The following TBCA variants were observed in gnomAD, a reference collection of about 807,000 sequenced individuals.
TBCA encodes the protein tubulin folding cofactor A.
Under a neutral mutation model 15.8 loss-of-function variants are expected in TBCA, and 6 were observed. The ratio of observed to expected loss-of-function variants is 0.38; its 90% confidence interval spans 0.21 to 0.75. The LOEUF is 0.75. TBCA is among the 30% of genes least tolerant of loss of function. The probability of loss-of-function intolerance (pLI) is 0.46; values close to 1 mark genes in which losing one functional copy is unlikely to be tolerated. For missense variants in TBCA, 90 were observed against 131.2 expected, an observed-to-expected ratio of 0.69 and a Z score of 1.53; for synonymous variants, 32 against 42.3, an observed-to-expected ratio of 0.76 and a Z score of 0.94.
chr5:77,723,475 T>C (rs765758085), intron 1 of TBCA, among the ~76,000 whole-genome samples: 3 of 151,932 alleles, frequency 2.0e-5, no homozygotes, highest in Non-Finnish European at 4.4e-5. Flanking sequence ...ATGTGGGGGA[T>C]GGGTAGCATT....
At chr5:77,708,210 G>A in intron 2 of TBCA, 32 bp downstream of exon 2, 4 of 1,433,132 alleles carry the variant, frequency 2.8e-6, no homozygotes, top group South Asian at 1.2e-5. Flanking sequence ...TTCTGTAAAT[G>A]TTAGCTATTG....
chr5:77,775,078 G>A (rs1205576135), intron 1 of TBCA, among the ~76,000 whole-genome samples: 1 of 151,150 alleles, frequency 6.6e-6, no homozygotes, highest in East Asian at 1.9e-4. Flanking sequence ...CAGTTCTGTT[G>A]TATTTCACCC....
chr5:77,692,528 A>C, intron 3 of TBCA: 2 of 958,614 alleles, frequency 2.1e-6, no homozygotes, highest in Non-Finnish European at 2.5e-6. Flanking sequence ...CTCGTGATCC[A>C]CCCACCTCAG....
chr5:77,769,533 T>A, intron 1 of TBCA, among the ~76,000 whole-genome samples: 1 of 152,192 alleles, frequency 6.6e-6, no homozygotes, highest in East Asian at 1.9e-4. Flanking sequence ...GAACTAATAG[T>A]GGAGATTTTA....
chr5:77,713,331 T>G (rs1269682717), intron 1 of TBCA, among the ~76,000 whole-genome samples: 1 of 152,076 alleles, frequency 6.6e-6, no homozygotes, highest in Non-Finnish European at 1.5e-5. Flanking sequence ...AACAATAATT[T>G]GGATAATAAT....
intron 1 of TBCA, among the ~76,000 whole-genome samples, chr5:77,719,219 A>G (rs1407868559): frequency 1.3e-5 from 2 of 152,252 alleles, no homozygotes; most frequent in African/African-American, 4.8e-5. Flanking sequence ...GAAACGATGA[A>G]AACAGGATGT....
At chr5:77,766,900 T>C (rs935920256) in intron 1 of TBCA, among the ~76,000 whole-genome samples, 1 of 152,176 alleles carries the variant, frequency 6.6e-6, no homozygotes, top group Non-Finnish European at 1.5e-5. Flanking sequence ...AATTGACAAA[T>C]ATCTATTAAG....
At position 77,702,853 on chromosome 5, in the gene TBCA, G is replaced by A. The variant is rs199894214; in HGVS notation, c.159+5389C>T. 3.3e-5 allele frequency among the ~76,000 whole-genome samples: 5 copies of A among 152,246 alleles called. No individual in the cohort carries two copies. The East Asian group carries it at 9.6e-4, about 29-fold the overall frequency. On this transcript the variant is annotated intron_variant, in intron 2 of 3. Transcript: ENST00000380377. ...ATAAGCCTGCATATAGGTACCAAGA[G>A]ACAAACACATTTTCTTGGATGATTG...
intron 2 of TBCA, among the ~76,000 whole-genome samples, chr5:77,699,033 CAAAAAAAAAAA>C (rs71608119): frequency 8.6e-5 from 6 of 70,100 alleles, no homozygotes; most frequent in African/African-American, 2.6e-4. Flanking sequence ...GCAAGAGCAT[CAAAAAAAAAAA>C]AAAAAAAAAA....
At chr5:77,709,896 G>A (rs945667003) in intron 1 of TBCA, among the ~76,000 whole-genome samples, 4 of 152,134 alleles carry the variant, frequency 2.6e-5, no homozygotes, top group African/African-American at 9.7e-5. Flanking sequence ...TAAAAAAGAA[G>A]TCTGACATAA....
intron 1 of TBCA, among the ~76,000 whole-genome samples, chr5:77,755,856 T>A (rs1300162443): frequency 6.6e-6 from 1 of 151,824 alleles, no homozygotes; most frequent in African/African-American, 2.4e-5. Flanking sequence ...AATACAAAAT[T>A]AGCTAGGAGT....
intron 1 of TBCA, among the ~76,000 whole-genome samples, chr5:77,749,919 C>T (rs527982135): frequency 5.1e-4 from 77 of 152,100 alleles, no homozygotes; most frequent in African/African-American, 1.6e-3. Context: ...ATGTTAAATG[C>T]AATGTAAAAA....
At chr5:77,692,672 TA>T (rs1203491775) in intron 3 of TBCA, 10 of 983,786 alleles carry the variant, frequency 1.0e-5, no homozygotes, top group Non-Finnish European at 1.2e-5. Context: ...TGTCAAGAAA[TA>T]CAAATGATGC....
intron 1 of TBCA, among the ~76,000 whole-genome samples, chr5:77,759,277 T>C (rs1273391339): frequency 6.6e-6 from 1 of 152,198 alleles, no homozygotes; most frequent in African/African-American, 2.4e-5. Context: ...AAGGAACATC[T>C]GGGTTAAGAT....
At chr5:77,731,534 A>G (rs914411048) in intron 1 of TBCA, among the ~76,000 whole-genome samples, 1 of 152,120 alleles carries the variant, frequency 6.6e-6, no homozygotes, top group South Asian at 2.1e-4. Flanking sequence ...TTTGCAAGTA[A>G]ATTTCCTGAT....
At chr5:77,775,624 G>A (rs909431864) in intron 1 of TBCA, among the ~76,000 whole-genome samples, 1 of 152,214 alleles carries the variant, frequency 6.6e-6, no homozygotes, top group African/African-American at 2.4e-5. Flanking sequence ...CGGGGAATCT[G>A]ACTGGAGAAA....
intron 1 of TBCA, among the ~76,000 whole-genome samples, chr5:77,723,689 T>A (rs1746572233): frequency 1.3e-5 from 2 of 152,040 alleles, no homozygotes. Flanking sequence ...GGTCCTTTAG[T>A]CACTGTCGCC....
chr5:77,771,109 A>AGACTCT (rs1747900390), intron 1 of TBCA, among the ~76,000 whole-genome samples: 1 of 152,152 alleles, frequency 6.6e-6, no homozygotes, highest in Non-Finnish European at 1.5e-5. Context: ...TGACACAGCG[A>AGACTCT]GACTCTGACT....
chr5:77,753,312 CT>C (rs1324060065), intron 1 of TBCA, among the ~76,000 whole-genome samples: 2 of 152,200 alleles, frequency 1.3e-5, no homozygotes, highest in African/African-American at 4.8e-5. Flanking sequence ...CCTTACTTTT[CT>C]TTAAGTCAAT....
Sources: gnomAD v4.1 joint callset for allele counts (sites outside exome capture counted in the v4.1 genomes callset) on GRCh38, gnomAD v4.1.1 for gene constraint, MANE v1.5 for transcripts, NCBI Gene and HGNC (gene_info 2026-07-23, HGNC 2026-07-21) for gene names.